The following UBE2D2 variants were observed in gnomAD, a reference collection of about 807,000 sequenced individuals.
UBE2D2 encodes ubiquitin-conjugating enzyme E2 D2.
UBE2D2 carries 2 observed loss-of-function variants against 24.2 expected under a neutral mutation model. That is an observed-to-expected ratio of 0.08 (90% CI 0.03 to 0.26). The LOEUF (loss-of-function observed/expected upper bound fraction) is 0.26. UBE2D2 is among the 10% of genes least tolerant of loss of function. The pLI is 1.00. For missense variants in UBE2D2, 44 were observed against 177.6 expected (o/e 0.25, Z 4.28); for synonymous variants, 58 against 56.5 (o/e 1.03, Z -0.12).
intron 1 of UBE2D2, among the ~76,000 whole-genome samples, chr5:139,537,830 G>A (rs993269437): frequency 6.6e-6 from 1 of 151,730 alleles, no homozygotes; most frequent in African/African-American, 2.4e-5. Flanking sequence ...TGGGCGTGTT[G>A]GTGGGCACCT....
intron 2 of UBE2D2, 116 bp from the exon 3 acceptor site, chr5:139,614,470 C>A: frequency 8.3e-7 from 1 of 1,208,072 alleles, no homozygotes; most frequent in Non-Finnish European, 1.2e-6. Context: ...CTTGCTCATA[C>A]TCATTATCAT....
upstream of UBE2D2, chr5:139,561,294 C>G (rs1270243502): frequency 6.6e-6 from 1 of 152,492 alleles, no homozygotes. Flanking sequence ...CCAATCCCCG[C>G]GCCTCCCGAC....
chr5:139,541,353 G>C (rs963837751), intron 1 of UBE2D2, among the ~76,000 whole-genome samples: 4 of 150,114 alleles, frequency 2.7e-5, no homozygotes, highest in African/African-American at 4.9e-5. Context: ...TATAATCCCA[G>C]CACTTTGGGA....
chr5:139,605,098 CAT>C (rs771215216), intron 2 of UBE2D2, among the ~76,000 whole-genome samples: 82 of 152,228 alleles, frequency 5.4e-4, no homozygotes, highest in Non-Finnish European at 1.0e-3. Flanking sequence ...CTCAGTACCA[CAT>C]GTTATTGATA....
chr5:139,591,116 TTCTC>T lies in UBE2D2; in HGVS notation c.25-9248_25-9245del, dbSNP rs1156743558. Among the ~76,000 whole-genome samples, 55 of 144,154 alleles carry T rather than the reference TTCTC, an allele frequency of 3.8e-4. No individual in the cohort carries two copies. In the South Asian group the frequency reaches 4.1e-3, roughly 11 times the overall value. The allele number at this position is 144,154 out of a possible 152,430, so 94.6% of individuals were successfully genotyped here. A position where few individuals can be genotyped will look rare whatever the true frequency, so the allele number is the denominator to read the frequency against. On this transcript the variant is annotated intron_variant, in intron 1 of 6. Transcript: ENST00000398733. ...CCAACCTATGGTGGGTATTTTCTTT[TTCTC>T]TCTCTCTTTTTTTTTTTTAAGACGG...
chr5:139,620,239 A>G (rs1392606474), intron 5 of UBE2D2, among the ~76,000 whole-genome samples: 1 of 152,206 alleles, frequency 6.6e-6, no homozygotes, highest in Non-Finnish European at 1.5e-5. Flanking sequence ...AGAAACCAAA[A>G]TGAATTCTTC....
chr5:139,549,663 G>A (rs752425585), intron 1 of UBE2D2, among the ~76,000 whole-genome samples: 4 of 152,328 alleles, frequency 2.6e-5, no homozygotes, highest in Non-Finnish European at 4.4e-5. Flanking sequence ...GAGACTCCCC[G>A]ACGGGGCGCC....
Position 139,561,482 on chromosome 5 carries a change from G to A in UBE2D2, c.-310G>A. 1 of 353,638 alleles carries A rather than the reference G, an allele frequency of 2.8e-6. No individual in the cohort carries two copies. Among genetic ancestry groups the A allele is most frequent in the East Asian group, 4.3e-5 (1 of 23,508 alleles). 21.9% of individuals were successfully genotyped at this position (353,638 alleles called of 1,614,324 possible). ...CTTGGGCTTTTGCTTTCTGGCGGAG[G>A]GATCTGCGGCGGTTTAGGAGGCGGC... On this transcript the variant is annotated 5_prime_UTR_variant, in exon 1 of 7. Transcript: ENST00000398733.
intron 1 of UBE2D2, among the ~76,000 whole-genome samples, chr5:139,564,075 T>C (rs944566344): frequency 1.3e-5 from 2 of 152,190 alleles, no homozygotes; most frequent in African/African-American, 4.8e-5. Flanking sequence ...TTCTTATGAG[T>C]TGCTACATAT....
intron 1 of UBE2D2, among the ~76,000 whole-genome samples, chr5:139,584,389 G>C (rs1262357701): frequency 6.6e-6 from 1 of 151,942 alleles, no homozygotes; most frequent in African/African-American, 2.4e-5. Flanking sequence ...CAGAATGTAT[G>C]CCTTTCGTTA....
intron 2 of UBE2D2, among the ~76,000 whole-genome samples, chr5:139,611,067 G>A (rs1199230402): frequency 1.3e-5 from 2 of 151,664 alleles, no homozygotes; most frequent in African/African-American, 2.4e-5. Flanking sequence ...TTGAATTTGA[G>A]CTCTAAAGGA....
intron 5 of UBE2D2, among the ~76,000 whole-genome samples, chr5:139,616,857 A>G (rs1452829249): frequency 1.3e-5 from 2 of 152,178 alleles, no homozygotes; most frequent in East Asian, 3.8e-4. Context: ...AGAGGAAAAA[A>G]TAGATCGGTT....
chr5:139,590,634 G>T (rs1414101380), intron 1 of UBE2D2, among the ~76,000 whole-genome samples: 1 of 151,672 alleles, frequency 6.6e-6, no homozygotes, highest in East Asian at 1.9e-4. Flanking sequence ...AAGTATAAAA[G>T]AATGCATGGG....
chr5:139,610,944 T>G, intron 2 of UBE2D2, among the ~76,000 whole-genome samples: 1 of 152,120 alleles, frequency 6.6e-6, no homozygotes, highest in Non-Finnish European at 1.5e-5. Flanking sequence ...TTTCACTCTT[T>G]TACAGAGTAT....
intron 1 of UBE2D2, among the ~76,000 whole-genome samples, chr5:139,568,835 G>A (rs1753295988): frequency 6.6e-6 from 1 of 152,074 alleles, no homozygotes; most frequent in Admixed American, 6.6e-5. Flanking sequence ...GCCGGGCATG[G>A]TGGTGAGCAC....
chr5:139,581,457 A>AG (rs1337368478), intron 1 of UBE2D2, among the ~76,000 whole-genome samples: 2 of 152,118 alleles, frequency 1.3e-5, no homozygotes, highest in Non-Finnish European at 2.9e-5. Flanking sequence ...TCAAAAAAAA[A>AG]AAGTAGAGGT....
At chr5:139,553,274 A>G (rs572233745) in intron 1 of UBE2D2, among the ~76,000 whole-genome samples, 38 of 152,320 alleles carry the variant, frequency 2.5e-4, no homozygotes, top group Admixed American at 2.4e-3. Flanking sequence ...ATACTGCTTC[A>G]TCAGCCATTC....
chr5:139,566,473 A>G (rs1316748841), intron 1 of UBE2D2, among the ~76,000 whole-genome samples: 1 of 152,164 alleles, frequency 6.6e-6, no homozygotes, highest in Non-Finnish European at 1.5e-5. Context: ...CAGGAGTTCG[A>G]GACCAGCCTG....
chr5:139,577,088 T>G (rs1753487690), intron 1 of UBE2D2, among the ~76,000 whole-genome samples: 1 of 152,046 alleles, frequency 6.6e-6, no homozygotes, highest in Non-Finnish European at 1.5e-5. Flanking sequence ...CTTATAGAGA[T>G]TGTCTGTCTG....
Sources: allele counts gnomAD v4.1 joint callset (sites outside exome capture counted in the v4.1 genomes callset), GRCh38; gene constraint gnomAD v4.1.1; transcripts MANE v1.5; gene names NCBI Gene and HGNC (gene_info 2026-07-23, HGNC 2026-07-21).